NAV2: variants seen among roughly 807,000 people sequenced by gnomAD.
The protein encoded by NAV2 is helicase, APC down-regulated 1.
In NAV2, 54 loss-of-function variants were observed where a neutral mutation model predicts 223.2. The observed-to-expected ratio is 0.24, with a 90% confidence interval of 0.19 to 0.30. The LOEUF is 0.30. Ranked by LOEUF, NAV2 falls within the 10% of genes least tolerant of loss-of-function variation. NAV2 has a pLI of 1.00. For missense variants in NAV2, 2,806 were observed against 3,147.5 expected (o/e 0.89, Z 2.60); for synonymous variants, 1,279 against 1,239.3 (o/e 1.03, Z -0.67).
intron 1 of NAV2, among the ~76,000 whole-genome samples, chr11:19,474,925 G>A (rs997871558): frequency 1.5e-4 from 23 of 152,222 alleles, no homozygotes; most frequent in African/African-American, 5.3e-4. Flanking sequence ...GCTGAGACGC[G>A]GTAAGCTTTA....
chr11:19,983,791 A>G (rs1269527872), intron 10 of NAV2, among the ~76,000 whole-genome samples: 2 of 152,232 alleles, frequency 1.3e-5, no homozygotes, highest in Non-Finnish European at 2.9e-5. Context: ...ACCTGCTTGT[A>G]TAATCGCTGA....
At chr11:19,981,221 A>G (rs935893545) in intron 10 of NAV2, 4 of 152,220 alleles carry the variant, frequency 2.6e-5, no homozygotes, top group Non-Finnish European at 4.4e-5. Context: ...AATTCCCAAC[A>G]GCAAGCCCAG....
chr11:19,872,135 C>T (rs2062554751), intron 4 of NAV2, among the ~76,000 whole-genome samples: 1 of 152,026 alleles, frequency 6.6e-6, no homozygotes, highest in African/African-American at 2.4e-5. Context: ...TACTTACAGC[C>T]TTTAATCCTC....
At chr11:20,105,771 G>A in intron 35 of NAV2, 44 bp downstream of exon 35, 1 of 1,517,050 alleles carries the variant, frequency 6.6e-7, no homozygotes, top group Admixed American at 1.7e-5. Flanking sequence ...GGCATCCTCA[G>A]GTGCCCATCC....
chr11:20,017,038 A>T (rs1464171876), intron 11 of NAV2, among the ~76,000 whole-genome samples: 1 of 151,974 alleles, frequency 6.6e-6, no homozygotes, highest in Admixed American at 6.6e-5. Flanking sequence ...AAATAAAAGA[A>T]AAAGAACTTT....
chr11:19,503,792 A>C (rs1259390730), intron 1 of NAV2: 2 of 152,242 alleles, frequency 1.3e-5, no homozygotes. Flanking sequence ...ATAATTTTCA[A>C]GTCTTTGAGG....
At chr11:19,548,380 C>A (rs1341009623) in intron 1 of NAV2, among the ~76,000 whole-genome samples, 2 of 152,086 alleles carry the variant, frequency 1.3e-5, no homozygotes, top group Non-Finnish European at 2.9e-5. Context: ...TGCCTATATA[C>A]CCTAGGAGGG....
rs557711551 is a variant in NAV2, at chr11:19,731,829, A to G, written c.267+17867A>G. 9.8e-5 allele frequency among the ~76,000 whole-genome samples: 15 copies of G among 152,322 alleles called. 1 individual carries two copies. The highest frequency in any genetic ancestry group is 3.6e-4 in the African/African-American group (15 of 41,570). On this transcript the variant is annotated intron_variant, in intron 1 of 37. Transcript: ENST00000349880. ...ATGATTAATGTGAACATGTATTGCTAACTGCAGGGTCCTAGATCAAACAAA... is the reference window on the plus strand; with the variant it reads ...ATGATTAATGTGAACATGTATTGCTGACTGCAGGGTCCTAGATCAAACAAA...
intron 26 of NAV2, among the ~76,000 whole-genome samples, chr11:20,087,156 T>C (rs557126645): frequency 6.6e-6 from 1 of 152,126 alleles, no homozygotes; most frequent in South Asian, 2.1e-4. Context: ...AAACTGTTGC[T>C]GGAGGGAGTA....
intron 22 of NAV2, among the ~76,000 whole-genome samples, chr11:20,069,620 C>A (rs116786070): frequency 6.6e-6 from 1 of 152,126 alleles, no homozygotes; most frequent in African/African-American, 2.4e-5. Context: ...CCTGAGATAT[C>A]GAAAGGTGCT....
intron 1 of NAV2, among the ~76,000 whole-genome samples, chr11:19,434,668 T>C (rs771382053): frequency 1.3e-5 from 2 of 152,208 alleles, no homozygotes; most frequent in African/African-American, 2.4e-5. Flanking sequence ...ATTTTCCTCT[T>C]TTGCAAAATC....
intron 14 of NAV2, among the ~76,000 whole-genome samples, chr11:20,048,382 G>A (rs1175141808): frequency 1.3e-5 from 2 of 152,168 alleles, no homozygotes; most frequent in Non-Finnish European, 2.9e-5. Flanking sequence ...CTGGGCCAGG[G>A]CAGTTTTCTA....
At chr11:20,061,920 A>G (rs1201472463) in intron 19 of NAV2, among the ~76,000 whole-genome samples, 2 of 152,216 alleles carry the variant, frequency 1.3e-5, no homozygotes, top group Non-Finnish European at 2.9e-5. Context: ...TAGAAAAAAG[A>G]GTGAAGCGAA....
At chr11:19,567,176 C>T (rs1017978258) in intron 1 of NAV2, among the ~76,000 whole-genome samples, 4 of 152,146 alleles carry the variant, frequency 2.6e-5, no homozygotes, top group African/African-American at 7.2e-5. Flanking sequence ...CAGCTATTGC[C>T]GGGGACAGGA....
intron 11 of NAV2, among the ~76,000 whole-genome samples, chr11:20,030,648 C>T (rs937404937): frequency 6.6e-6 from 1 of 152,196 alleles, no homozygotes; most frequent in African/African-American, 2.4e-5. Flanking sequence ...CTTCAGATGT[C>T]TGACAGGGTA....
intron 1 of NAV2, among the ~76,000 whole-genome samples, chr11:19,622,804 A>G (rs2047040949): frequency 6.6e-6 from 1 of 152,160 alleles, no homozygotes. Context: ...TGATCCTGTC[A>G]TTATGATGTT....
At chr11:19,923,494 G>A (rs112128463) in intron 6 of NAV2, among the ~76,000 whole-genome samples, 2,612 of 152,250 alleles carry the variant, frequency 0.017, 80 homozygotes, top group African/African-American at 0.06. Context: ...TTCAGTGGAA[G>A]CCATTCTGGT....
intron 1 of NAV2, among the ~76,000 whole-genome samples, chr11:19,458,739 G>T (rs1166801795): frequency 1.3e-5 from 2 of 152,266 alleles, no homozygotes; most frequent in African/African-American, 4.8e-5. Context: ...CTCTACACAT[G>T]TGAAGAATAA....
At chr11:19,420,568 A>G (rs138431138) in intron 1 of NAV2, among the ~76,000 whole-genome samples, 4 of 152,360 alleles carry the variant, frequency 2.6e-5, no homozygotes, top group East Asian at 3.9e-4. Context: ...CTACACATCA[A>G]TGAGAACAAA....
Sources: gnomAD v4.1 joint callset for allele counts (sites outside exome capture counted in the v4.1 genomes callset) on GRCh38, gnomAD v4.1.1 for gene constraint, MANE v1.5 for transcripts, NCBI Gene and HGNC (gene_info 2026-07-23, HGNC 2026-07-21) for gene names.